Variants in ERG observed in about 807,000 individuals in gnomAD.
The protein encoded by ERG is ETS transcription factor ERG.
Under a neutral mutation model 55.3 loss-of-function variants are expected in ERG, and 9 were observed. The observed-to-expected ratio is 0.16, with a 90% confidence interval of 0.10 to 0.28. The LOEUF (loss-of-function observed/expected upper bound fraction) is 0.28. Among genes scored for constraint, ERG ranks in the 10% least tolerant of loss-of-function variants. The pLI is 1.00. For missense variants in ERG, 434 were observed against 631.6 expected (o/e 0.69, Z 3.35); for synonymous variants, 223 against 237.3 (o/e 0.94, Z 0.55).
At chr21:38,605,886 T>C (rs896430347) in intron 1 of ERG, among the ~76,000 whole-genome samples, 9 of 151,984 alleles carry the variant, frequency 5.9e-5, no homozygotes, top group African/African-American at 1.2e-4. Flanking sequence ...AAATGATAGA[T>C]AGATAATAGA....
chr21:38,584,142 AC>A (rs2060047653), intron 1 of ERG, among the ~76,000 whole-genome samples: 1 of 152,030 alleles, frequency 6.6e-6, no homozygotes, highest in East Asian at 1.9e-4. Context: ...CCACTGATCG[AC>A]CCTGGCTTCA....
intron 6 of ERG, among the ~76,000 whole-genome samples, chr21:38,398,589 G>C (rs1172978981): frequency 6.6e-6 from 1 of 152,202 alleles, no homozygotes; most frequent in Non-Finnish European, 1.5e-5. Flanking sequence ...GGAGGTGTCT[G>C]AGTTTGCCAC....
At chr21:38,488,546 C>T (rs1022005316) in intron 1 of ERG, among the ~76,000 whole-genome samples, 16 of 152,140 alleles carry the variant, frequency 1.1e-4, no homozygotes, top group African/African-American at 3.4e-4. Flanking sequence ...TTATTTGCTT[C>T]GGTTCAAAGG....
intron 1 of ERG, among the ~76,000 whole-genome samples, chr21:38,479,608 C>T (rs796180259): frequency 7.9e-5 from 12 of 152,288 alleles, no homozygotes; most frequent in African/African-American, 2.6e-4. Flanking sequence ...GATGCATCTA[C>T]AGCAGTCTCC....
intron 1 of ERG, among the ~76,000 whole-genome samples, chr21:38,483,811 GA>G (rs1295303042): frequency 6.6e-6 from 1 of 152,146 alleles, no homozygotes; most frequent in Non-Finnish European, 1.5e-5. Context: ...AGGTTGCAGT[GA>G]GCCAAGATTG....
chr21:38,494,073 G>T (rs2059360433), intron 1 of ERG, among the ~76,000 whole-genome samples: 1 of 152,228 alleles, frequency 6.6e-6, no homozygotes, highest in African/African-American at 2.4e-5. Context: ...ACGAAACTGA[G>T]ATCAGACAGG....
intron 1 of ERG, among the ~76,000 whole-genome samples, chr21:38,611,031 AAGGTGGAACAC>A (rs1046030678): frequency 7.2e-5 from 11 of 152,226 alleles, no homozygotes; most frequent in Non-Finnish European, 1.6e-4. Context: ...GGACTGGCAG[AAGGTGGAACAC>A]AGAGGTAATC....
intron 1 of ERG, among the ~76,000 whole-genome samples, chr21:38,483,350 A>C (rs1369562173): frequency 6.6e-6 from 1 of 152,220 alleles, no homozygotes; most frequent in Non-Finnish European, 1.5e-5. Flanking sequence ...ATTTGCCTTC[A>C]CTATCAGAAC....
At chr21:38,590,669 A>G (rs1403789370) in intron 1 of ERG, among the ~76,000 whole-genome samples, 1 of 152,018 alleles carries the variant, frequency 6.6e-6, no homozygotes, top group Non-Finnish European at 1.5e-5. Flanking sequence ...GTATTCATCC[A>G]TCCATCCACC....
chr21:38,521,327 T>C (rs1372992568), intron 2 of ERG, among the ~76,000 whole-genome samples: 2 of 152,212 alleles, frequency 1.3e-5, no homozygotes, highest in African/African-American at 2.4e-5. Flanking sequence ...CTGCATTTTA[T>C]AGCTAAAGGT....
At chr21:38,628,994 A>G (rs187626168) in intron 1 of ERG, among the ~76,000 whole-genome samples, 101 of 152,348 alleles carry the variant, frequency 6.6e-4, no homozygotes, top group African/African-American at 2.3e-3. Context: ...TCAGTATACT[A>G]GTACTGTTAA....
rs1054691279 is a variant in ERG at position 38,445,424 on chromosome 21, A to G, written c.216T>C (p.Pro72=). 5 of 1,614,052 alleles carry G rather than the reference A, an allele frequency of 3.1e-6. No homozygotes were observed. In the East Asian group the frequency reaches 6.7e-5, roughly 22 times the overall value. Residue 72 remains proline (P), a synonymous_variant, in exon 2 of 10, where the codon CCT becomes CCC. Transcript: ENST00000288319. Reference sequence around the variant, plus strand: ...CTTACCTTGAGCCATTCACCTGGCTAGGGTTACATTCCATTTTGATGGTGA... The same window carrying G: ...CTTACCTTGAGCCATTCACCTGGCTGGGGTTACATTCCATTTTGATGGTGA... ...ARVTIKMECN[P]SQVNGSRNSP...
intron 1 of ERG, among the ~76,000 whole-genome samples, chr21:38,626,078 T>C (rs1175907614): frequency 7.2e-5 from 11 of 151,914 alleles, no homozygotes. Context: ...CCTGCTACCA[T>C]TTCCAGCTAA....
chr21:38,559,871 T>C (rs1293275050), intron 2 of ERG, among the ~76,000 whole-genome samples: 1 of 152,146 alleles, frequency 6.6e-6, no homozygotes, highest in Admixed American at 6.5e-5. Context: ...TTAGTAGAGA[T>C]GGGGTTTCAC....
chr21:38,635,155 T>A (rs1390201843), intron 1 of ERG, among the ~76,000 whole-genome samples: 2 of 152,170 alleles, frequency 1.3e-5, no homozygotes, highest in Non-Finnish European at 2.9e-5. Context: ...GAAGGATGAA[T>A]AGGGAGAGCC....
intron 2 of ERG, among the ~76,000 whole-genome samples, chr21:38,538,877 C>CT (rs2059730768): frequency 6.6e-6 from 1 of 151,838 alleles, no homozygotes; most frequent in South Asian, 2.1e-4. Context: ...TAAAAAATGA[C>CT]TGAGTTTCTT....
chr21:38,601,586 CCT>C (rs1272297015), intron 1 of ERG, among the ~76,000 whole-genome samples: 2 of 152,046 alleles, frequency 1.3e-5, no homozygotes, highest in Non-Finnish European at 2.9e-5. Context: ...GAGAATTTTC[CCT>C]GTTTGAATTC....
chr21:38,375,337 A>G (rs1372254184), downstream of ERG, among the ~76,000 whole-genome samples: 1 of 152,214 alleles, frequency 6.6e-6, no homozygotes, highest in Non-Finnish European at 1.5e-5. Flanking sequence ...GAACCACGAT[A>G]GGTGCATGCA....
At position 38,566,677 on chromosome 21, in the gene ERG, G is replaced by A. The variant is rs181128099; in HGVS notation, c.-41+8985C>T. 4.6e-5 allele frequency among the ~76,000 whole-genome samples: 7 copies of A among 152,264 alleles called. No individual in the cohort carries two copies. The East Asian group carries it at 5.8e-4, about 13-fold the overall frequency. On this transcript the variant is annotated intron_variant, in intron 2 of 8. Transcript: ENST00000398897. ...TGACTAGGATATTCACAGAAGCCAC[G>A]CAAAAGACAGCAGCCTTCAATGAAG...
Sources: allele counts gnomAD v4.1 joint callset (sites outside exome capture counted in the v4.1 genomes callset), GRCh38; gene constraint gnomAD v4.1.1; transcripts MANE v1.5; gene names NCBI Gene and HGNC (gene_info 2026-07-23, HGNC 2026-07-21).